Variants in KCNH8 observed in about 807,000 individuals in gnomAD.
KCNH8 encodes voltage-gated delayed rectifier potassium channel KCNH8.
Under a neutral mutation model 103.6 loss-of-function variants are expected in KCNH8, and 70 were observed. That is an observed-to-expected ratio of 0.68 (90% confidence interval 0.56 to 0.82). The LOEUF (loss-of-function observed/expected upper bound fraction) is 0.82, where lower values mean the gene tolerates loss of function less well. Among genes scored for constraint, KCNH8 ranks in the 40% least tolerant of loss-of-function variants. KCNH8 has a pLI of 0.00. For synonymous variants in KCNH8, 498 were observed against 489.4 expected (o/e 1.02, Z -0.23); for missense variants, 1,217 against 1,329.9 (o/e 0.92, Z 1.32).
At chr3:19,396,041 C>A (rs1185146142) in intron 7 of KCNH8, among the ~76,000 whole-genome samples, 1 of 151,960 alleles carries the variant, frequency 6.6e-6, no homozygotes, top group Non-Finnish European at 1.5e-5. Flanking sequence ...CTCTCTATCC[C>A]AAAAATCTGC....
At chr3:19,162,567 T>C (rs2063244717) in intron 1 of KCNH8, among the ~76,000 whole-genome samples, 1 of 151,610 alleles carries the variant, frequency 6.6e-6, no homozygotes, top group Non-Finnish European at 1.5e-5. Context: ...AAGGGAAAAA[T>C]ATTAAACAAT....
intron 11 of KCNH8, among the ~76,000 whole-genome samples, chr3:19,501,288 G>C (rs2068577136): frequency 6.6e-6 from 1 of 152,256 alleles, no homozygotes; most frequent in Admixed American, 6.5e-5. Context: ...ATAATCAATA[G>C]CTTACCAACG....
intron 5 of KCNH8, among the ~76,000 whole-genome samples, chr3:19,366,158 G>A (rs765671959): frequency 6.6e-6 from 1 of 151,998 alleles, no homozygotes; most frequent in Non-Finnish European, 1.5e-5. Flanking sequence ...TAGGTTGTAT[G>A]CTGCTTTCTG....
intron 1 of KCNH8, among the ~76,000 whole-genome samples, chr3:19,209,881 T>C (rs939257112): frequency 3.3e-5 from 5 of 152,038 alleles, no homozygotes; most frequent in African/African-American, 1.2e-4. Flanking sequence ...CTCAGTGTAA[T>C]GTGTAGTCCC....
chr3:19,316,755 C>T (rs1164702279), intron 3 of KCNH8, among the ~76,000 whole-genome samples: 1 of 151,944 alleles, frequency 6.6e-6, no homozygotes, highest in Non-Finnish European at 1.5e-5. Flanking sequence ...TGGACCTTAT[C>T]TTGGGAACCC....
intron 2 of KCNH8, among the ~76,000 whole-genome samples, chr3:19,257,551 G>A (rs1164865134): frequency 2.0e-5 from 3 of 151,982 alleles, no homozygotes; most frequent in Non-Finnish European, 4.4e-5. Flanking sequence ...CATCATGATT[G>A]GATGTACCAG....
chr3:19,487,711 C>T (rs796623583), intron 11 of KCNH8, among the ~76,000 whole-genome samples: 23 of 152,138 alleles, frequency 1.5e-4, no homozygotes, highest in Admixed American at 5.9e-4. Flanking sequence ...CCTGGGGGAC[C>T]GTAAGGGCCA....
At chr3:19,390,862 G>A (rs2066426986) in intron 6 of KCNH8, among the ~76,000 whole-genome samples, 1 of 152,022 alleles carries the variant, frequency 6.6e-6, no homozygotes, top group Non-Finnish European at 1.5e-5. Flanking sequence ...CCTGGAGCCA[G>A]GAAACACAGA....
At chr3:19,216,835 A>T (rs1182415375) in intron 1 of KCNH8, among the ~76,000 whole-genome samples, 1 of 152,210 alleles carries the variant, frequency 6.6e-6, no homozygotes, top group Non-Finnish European at 1.5e-5. Flanking sequence ...TGGCTCTGAG[A>T]TTGCAGCAGT....
At chr3:19,192,997 A>C (rs1439774725) in intron 1 of KCNH8, among the ~76,000 whole-genome samples, 1 of 151,616 alleles carries the variant, frequency 6.6e-6, no homozygotes. Context: ...GTGATTTAAC[A>C]TTTTTACATA....
At chr3:19,355,470 CT>C (rs2065867860) in intron 5 of KCNH8, among the ~76,000 whole-genome samples, 1 of 152,132 alleles carries the variant, frequency 6.6e-6, no homozygotes, top group African/African-American at 2.4e-5. Context: ...ATAGCAAAGA[CT>C]TGGAACCAAC....
chr3:19,152,567 G>A (rs757175873), intron 1 of KCNH8, among the ~76,000 whole-genome samples: 2 of 152,146 alleles, frequency 1.3e-5, no homozygotes, highest in Non-Finnish European at 2.9e-5. Context: ...AATAATGGTT[G>A]TTTAGAAACT....
intron 7 of KCNH8, among the ~76,000 whole-genome samples, chr3:19,435,795 A>T (rs2067190491): frequency 6.6e-6 from 1 of 152,196 alleles, no homozygotes; most frequent in African/African-American, 2.4e-5. Context: ...TCATTAAATA[A>T]CTTGCTCGCA....
intron 1 of KCNH8, among the ~76,000 whole-genome samples, chr3:19,207,597 T>C (rs1180498706): frequency 6.6e-6 from 1 of 152,018 alleles, no homozygotes; most frequent in Non-Finnish European, 1.5e-5. Flanking sequence ...TACAAAATAA[T>C]CTGTTAATAT....
At chr3:19,503,851 C>T (rs1000248161) in intron 11 of KCNH8, among the ~76,000 whole-genome samples, 3 of 151,816 alleles carry the variant, frequency 2.0e-5, no homozygotes, top group Non-Finnish European at 2.9e-5. Flanking sequence ...GTGGGTGCAG[C>T]GCACCAGCAT....
At chr3:19,404,262 A>T (rs1303806053) in intron 7 of KCNH8, among the ~76,000 whole-genome samples, 3 of 151,966 alleles carry the variant, frequency 2.0e-5, no homozygotes, top group African/African-American at 7.2e-5. Context: ...CTTGTTGGAT[A>T]CAGAATCCCT....
At chr3:19,290,565 G>A (rs868343029) in intron 3 of KCNH8, among the ~76,000 whole-genome samples, 6 of 152,154 alleles carry the variant, frequency 3.9e-5, no homozygotes, top group African/African-American at 9.7e-5. Flanking sequence ...ATTTGCGTAT[G>A]TTGAACCAGC....
At position 19,515,385 on chromosome 3, in the gene KCNH8, T is replaced by C. The variant is rs763830148; in HGVS notation, c.2499T>C (p.Ser833=). 8 of 1,585,590 alleles carry C rather than the reference T, an allele frequency of 5.0e-6. No individual in the cohort carries two copies. The highest frequency in any genetic ancestry group is 1.4e-5 in the African/African-American group (1 of 73,448). The change falls in exon 14 of 16, where the codon TCT becomes TCC. Residue 833 remains serine (S), a synonymous_variant. Transcript: ENST00000328405. ...AAAGTCAGACTTTTGATTTTGGCTC[T>C]GAACGAATCAGATCAGAGCCCAGAA... ...SEESQTFDFG[S]ERIRSEPRIS...
chr3:19,188,836 G>T (rs75402088), intron 1 of KCNH8, among the ~76,000 whole-genome samples: 1,873 of 152,028 alleles, frequency 0.012, 33 homozygotes, highest in African/African-American at 0.044. Context: ...TAGAGAGAGG[G>T]TCTTGCTATG....
Sources: gnomAD v4.1 joint callset for allele counts (sites outside exome capture counted in the v4.1 genomes callset) on GRCh38, gnomAD v4.1.1 for gene constraint, MANE v1.5 for transcripts, NCBI Gene and HGNC (gene_info 2026-07-23, HGNC 2026-07-21) for gene names.